FREM2: variants seen among roughly 807,000 people sequenced by gnomAD.
FREM2 encodes the protein FRAS1-related extracellular matrix protein 2.
In FREM2, 119 loss-of-function variants were observed where a neutral mutation model predicts 219.9. The ratio of observed to expected loss-of-function variants is 0.54; its 90% confidence interval spans 0.47 to 0.63. The LOEUF is 0.63. Among genes scored for constraint, FREM2 ranks in the 30% least tolerant of loss-of-function variants. The pLI is 0.00. For missense variants in FREM2, 4,030 were observed against 3,993.6 expected (o/e 1.01, Z -0.25); for synonymous variants, 1,562 against 1,522.8 (o/e 1.03, Z -0.60).
intron 11 of FREM2, among the ~76,000 whole-genome samples, chr13:38,853,166 A>G (rs1877435303): frequency 6.6e-6 from 1 of 151,876 alleles, no homozygotes; most frequent in Admixed American, 6.6e-5. Flanking sequence ...CGTCTCTACT[A>G]AAAATATAAA....
In FREM2 at chr13:38,699,897, C is replaced by T. The variant is rs148461657; in HGVS notation, c.5263+2110C>T. ...TTAATTAACTGTAGTGATTTATTGT[C>T]GTCTAGTCTATACAATGATAGTAGG... is the stretch of plus-strand genomic sequence containing the variant. On this transcript the variant is annotated intron_variant, in intron 2 of 23. Transcript: ENST00000280481. Among the ~76,000 whole-genome samples, 877 of 152,082 alleles carry T rather than the reference C, an allele frequency of 5.8e-3. 5 individuals are homozygous for T. The highest frequency in any genetic ancestry group is 0.016 in the South Asian group (78 of 4,828).
intron 13 of FREM2, among the ~76,000 whole-genome samples, chr13:38,858,833 G>T (rs781553524): frequency 6.6e-6 from 1 of 152,100 alleles, no homozygotes. Context: ...CAGGGCAGTC[G>T]TGTGTCAGTG....
At chr13:38,729,420 CAG>C (rs368162338) in intron 2 of FREM2, among the ~76,000 whole-genome samples, 292 of 152,206 alleles carry the variant, frequency 1.9e-3, no homozygotes, top group African/African-American at 6.7e-3. Context: ...GGAATACTCT[CAG>C]GGGTATACTA....
chr13:38,736,845 A>G lies in FREM2; in HGVS notation c.5264-27459A>G, dbSNP rs1432542100. Among the ~76,000 whole-genome samples, 3 of 150,146 alleles carry G rather than the reference A, an allele frequency of 2.0e-5. No homozygotes were observed. In the East Asian group the frequency reaches 5.9e-4, roughly 30 times the overall value. ...CTTTTAGTGAAAGATGCACAGATAC[A>G]TAACTCAAATGCAAACCGTTTGTTT... On this transcript the variant is annotated intron_variant, in intron 2 of 23. Transcript: ENST00000280481.
chr13:38,867,526 A>G (rs1878014956), intron 16 of FREM2, among the ~76,000 whole-genome samples: 1 of 152,266 alleles, frequency 6.6e-6, no homozygotes. Flanking sequence ...CCCCAGAGAC[A>G]GAACCAATAG....
intron 14 of FREM2, among the ~76,000 whole-genome samples, chr13:38,860,510 C>G (rs551924792): frequency 2.6e-5 from 4 of 152,194 alleles, no homozygotes; most frequent in African/African-American, 9.7e-5. Context: ...TATGTCCCAC[C>G]TGTGACTACT....
At chr13:38,807,238 T>G (rs541219146) in intron 6 of FREM2, among the ~76,000 whole-genome samples, 10 of 135,910 alleles carry the variant, frequency 7.4e-5, no homozygotes, top group South Asian at 2.4e-4. Flanking sequence ...TGTATGGTTT[T>G]GTTTTGTTTT....
intron 6 of FREM2, among the ~76,000 whole-genome samples, chr13:38,791,123 A>G (rs1322524778): frequency 6.6e-6 from 1 of 152,226 alleles, no homozygotes; most frequent in Non-Finnish European, 1.5e-5. Flanking sequence ...GAAGGGGGAA[A>G]GTCAACAAAT....
chr13:38,750,951 C>T (rs891276963), intron 2 of FREM2, among the ~76,000 whole-genome samples: 3 of 152,038 alleles, frequency 2.0e-5, no homozygotes, highest in Admixed American at 6.6e-5. Flanking sequence ...GCCTTGGCCT[C>T]CCAAAGCCAT....
At chr13:38,770,539 C>T (rs1031070844) in intron 4 of FREM2, among the ~76,000 whole-genome samples, 3 of 152,118 alleles carry the variant, frequency 2.0e-5, no homozygotes, top group Non-Finnish European at 4.4e-5. Context: ...AGAATGAGAT[C>T]ATTCTTGAAT....
Position 38,688,762 on chromosome 13 carries a change from A to G in FREM2, c.1418A>G (p.Glu473Gly). 6.2e-7 allele frequency: 1 copy of G among 1,614,058 alleles called. No homozygotes were observed. Among genetic ancestry groups the G allele is most frequent in the Non-Finnish European group, 8.5e-7 (1 of 1,179,976 alleles). Residue 473 changes from glutamate (E) to glycine (G), a missense_variant, in exon 1 of 24, where the codon GAG becomes GGG. By Grantham distance (98) the Glu-to-Gly change is moderately conservative (BLOSUM62 -2). Transcript: ENST00000280481. ...SGPQNLVISD[E>G]DDLEAVRLEV... ...CCGCAAAACTTGGTCATCAGCGATG[A>G]GGATGACCTAGAAGCAGTGCGGCTA... is the stretch of plus-strand genomic sequence containing the variant.
At chr13:38,757,545 T>TG (rs1873061003) in intron 2 of FREM2, among the ~76,000 whole-genome samples, 1 of 152,138 alleles carries the variant, frequency 6.6e-6, no homozygotes, top group Admixed American at 6.6e-5. Flanking sequence ...GTCGTGGTGC[T>TG]GTGCCTGTTT....
At chr13:38,813,496 CTCTCTCTCTCTCTCTCTCTCTCCT>C in intron 6 of FREM2, among the ~76,000 whole-genome samples, 1 of 16,020 alleles carries the variant, frequency 6.2e-5, no homozygotes, top group African/African-American at 2.4e-4. Flanking sequence ...CTCTCTCTCT[CTCTCTCTCTCTCTCTCTCTCTCCT>C]CTCTCTCTCT....
chr13:38,692,284 A>G lies in FREM2; in HGVS notation c.4940A>G (p.Gln1647Arg). Residue 1647 changes from glutamine (Q) to arginine (R), a missense_variant, in exon 1 of 24, where the codon CAG becomes CGG. Transcript: ENST00000280481. ...ETRRPQVMKIQVLAVDNSVPQ... is the reference protein window; with the variant it reads ...ETRRPQVMKIRVLAVDNSVPQ... Reference sequence around the variant, plus strand: ...AGGAGACCCCAAGTGATGAAGATCCAGGTCTTGGCTGTTGACAACAGTGTC... The same window carrying G: ...AGGAGACCCCAAGTGATGAAGATCCGGGTCTTGGCTGTTGACAACAGTGTC... 2 of 1,613,372 alleles carry G rather than the reference A, an allele frequency of 1.2e-6. No homozygotes were observed. Among genetic ancestry groups the G allele is most frequent in the South Asian group, 1.1e-5 (1 of 91,010 alleles).
chr13:38,732,942 CA>C (rs1005407227), intron 2 of FREM2, among the ~76,000 whole-genome samples: 36 of 152,068 alleles, frequency 2.4e-4, no homozygotes, highest in Admixed American at 1.3e-3. Context: ...CAGTAACTGA[CA>C]GTGGTGAAAG....
intron 3 of FREM2, among the ~76,000 whole-genome samples, chr13:38,766,338 G>A (rs940057837): frequency 1.3e-5 from 2 of 152,014 alleles, no homozygotes; most frequent in Admixed American, 6.6e-5. Flanking sequence ...TTCTACAAAG[G>A]CTCATAGGCT....
At chr13:38,721,433 G>GGCAGCCACACAGGGAGGGGGAC (rs1259825301) in intron 2 of FREM2, among the ~76,000 whole-genome samples, 69 of 152,230 alleles carry the variant, frequency 4.5e-4, no homozygotes, top group African/African-American at 1.6e-3. Flanking sequence ...CCACGGCAGA[G>GGCAGCCACACAGGGAGGGGGAC]GCAGCCACCC....
chr13:38,856,188 G>C lies in FREM2; in HGVS notation c.6988G>C (p.Val2330Leu). Residue 2330 changes from valine (V) to leucine (L), a missense_variant, in exon 12 of 24, where the codon GTG becomes CTG. By Grantham distance (32) the Val-to-Leu change is conservative. This residue lies in a region of FREM2 where 3,102 missense variants were observed against 2,950.7 expected (regional missense o/e 1.05). Coordinates refer to ENST00000280481, the MANE Select transcript of FREM2 (RefSeq NM_207361.6). ...VVEIEVTFDG[V>L]REMREAFTVH... ...TGAAATCGAAGTTACCTTTGACGGG[G>C]TGAGAGAGATGAGAGAGGCCTTCAC... 1 of 1,612,432 alleles carries C rather than the reference G, an allele frequency of 6.2e-7. No individual in the cohort carries two copies. The highest frequency in any genetic ancestry group is 8.5e-7 in the Non-Finnish European group (1 of 1,178,582).
At position 38,769,618 on chromosome 13, in the gene FREM2, C is replaced by T; in HGVS notation, c.5451C>T (p.Asp1817=). ...ACAGAACTGCAGAAAAAGACAAAGA[C>T]TTCAAGGGCAAAGCACAGAAACAAG... is the stretch of plus-strand genomic sequence containing the variant. ...TRDRTAEKDK[D]FKGKAQKQVQ... The change falls in exon 4 of 24, where the codon GAC becomes GAT. Residue 1817 remains aspartate (D), a synonymous_variant. Transcript: ENST00000280481. 3 of 1,614,140 alleles carry T rather than the reference C, an allele frequency of 1.9e-6. No individual in the cohort carries two copies. Among genetic ancestry groups the T allele is most frequent in the Non-Finnish European group, 2.5e-6 (3 of 1,180,000 alleles).
Sources: allele counts gnomAD v4.1 joint callset (sites outside exome capture counted in the v4.1 genomes callset), GRCh38; gene constraint gnomAD v4.1.1; regional missense constraint gnomAD v4.1.1; transcripts MANE v1.5; gene names NCBI Gene and HGNC (gene_info 2026-07-23, HGNC 2026-07-21).